Variants in AGBL1 observed in about 807,000 individuals in gnomAD.
The protein encoded by AGBL1 is cytosolic carboxypeptidase 4.
Under a neutral mutation model 118.9 loss-of-function variants are expected in AGBL1, and 130 were observed. That is an observed-to-expected ratio of 1.09 (90% CI 0.95 to 1.26). The LOEUF (loss-of-function observed/expected upper bound fraction) is 1.26. Among genes scored for constraint, AGBL1 ranks in the 50% most tolerant of loss-of-function variants. The pLI, the probability that AGBL1 is intolerant of heterozygous loss-of-function variation, is 0.00. For synonymous variants in AGBL1, 555 were observed against 478.9 expected (o/e 1.16, Z -2.08); for missense variants, 1,584 against 1,298.1 (o/e 1.22, Z -3.38).
intron 17 of AGBL1, among the ~76,000 whole-genome samples, chr15:86,297,484 G>A (rs959169139): frequency 5.3e-5 from 8 of 152,128 alleles, no homozygotes. Context: ...TTTTAAACAA[G>A]GGGCCTTGCC....
intron 22 of AGBL1, among the ~76,000 whole-genome samples, chr15:86,758,146 ACC>A (rs1341771514): frequency 6.6e-6 from 1 of 152,094 alleles, no homozygotes; most frequent in Non-Finnish European, 1.5e-5. Flanking sequence ...TTCAAAGCCC[ACC>A]ATGTCCACTC....
intron 16 of AGBL1, among the ~76,000 whole-genome samples, chr15:86,286,691 A>G (rs1365419850): frequency 3.2e-5 from 4 of 126,564 alleles, no homozygotes; most frequent in Non-Finnish European, 6.8e-5. Flanking sequence ...GTATGTATAT[A>G]TATATGTGTG....
intron 2 of AGBL1, among the ~76,000 whole-genome samples, chr15:86,143,120 G>A (rs540484124): frequency 6.6e-6 from 1 of 152,296 alleles, no homozygotes; most frequent in East Asian, 1.9e-4. Context: ...AAGACCAATA[G>A]TTCGTCATAG....
chr15:86,761,382 T>C (rs953736898), intron 22 of AGBL1, among the ~76,000 whole-genome samples: 5 of 152,074 alleles, frequency 3.3e-5, no homozygotes, highest in Non-Finnish European at 7.4e-5. Flanking sequence ...TCTGAATTCA[T>C]GCAGCTGAGA....
At chr15:86,522,973 C>A (rs777248372) in intron 19 of AGBL1, 34 bp downstream of exon 19, 2 of 1,601,624 alleles carry the variant, frequency 1.2e-6, no homozygotes, top group Non-Finnish European at 1.7e-6. Context: ...ACCTTCCTGG[C>A]TGCTTCCTTC....
chr15:86,709,210 G>T (rs73443592), intron 22 of AGBL1, among the ~76,000 whole-genome samples: 2,164 of 152,178 alleles, frequency 0.014, 58 homozygotes, highest in African/African-American at 0.05. Flanking sequence ...CCAGGCACTT[G>T]TATAAAACTT....
At chr15:86,599,393 T>C (rs1338954841) in intron 21 of AGBL1, among the ~76,000 whole-genome samples, 1 of 152,090 alleles carries the variant, frequency 6.6e-6, no homozygotes, top group Non-Finnish European at 1.5e-5. Flanking sequence ...ATGTTAACCA[T>C]GCAGGGTCAA....
chr15:86,230,823 C>T (rs985749964), intron 6 of AGBL1, among the ~76,000 whole-genome samples: 2 of 152,190 alleles, frequency 1.3e-5, no homozygotes, highest in African/African-American at 4.8e-5. Flanking sequence ...GTAATTGACA[C>T]ATGCAGTTTT....
At chr15:86,758,781 G>C (rs2141267162) in intron 22 of AGBL1, among the ~76,000 whole-genome samples, 1 of 151,716 alleles carries the variant, frequency 6.6e-6, no homozygotes, top group Admixed American at 6.6e-5. Flanking sequence ...AGACTAGCCT[G>C]GGCAACATGA....
At chr15:86,933,588 A>C (rs974791564) in intron 23 of AGBL1, among the ~76,000 whole-genome samples, 1 of 152,190 alleles carries the variant, frequency 6.6e-6, no homozygotes, top group Non-Finnish European at 1.5e-5. Flanking sequence ...TCTTGACTGC[A>C]ATACCACAGT....
chr15:86,566,765 A>G (rs1463123476), intron 21 of AGBL1, among the ~76,000 whole-genome samples: 1 of 152,214 alleles, frequency 6.6e-6, no homozygotes, highest in Non-Finnish European at 1.5e-5. Flanking sequence ...ATATGTATAT[A>G]TCACACATAT....
At chr15:86,975,370 A>G (rs1043282912) in intron 23 of AGBL1, among the ~76,000 whole-genome samples, 1 of 151,968 alleles carries the variant, frequency 6.6e-6, no homozygotes, top group African/African-American at 2.4e-5. Context: ...AGATCTCATG[A>G]GACTTATTCA....
At chr15:86,881,583 A>G (rs1044664286) in intron 22 of AGBL1, among the ~76,000 whole-genome samples, 4 of 152,144 alleles carry the variant, frequency 2.6e-5, no homozygotes, top group African/African-American at 9.7e-5. Flanking sequence ...ACTGGTATAA[A>G]GAAATACCTT....
At chr15:86,612,465 A>G (rs1270751449) in intron 21 of AGBL1, among the ~76,000 whole-genome samples, 1 of 151,998 alleles carries the variant, frequency 6.6e-6, no homozygotes, top group African/African-American at 2.4e-5. Flanking sequence ...GGGGTCTGAC[A>G]TGCCTCATCA....
intron 22 of AGBL1, among the ~76,000 whole-genome samples, chr15:86,770,617 G>A (rs763493316): frequency 4.6e-5 from 7 of 151,962 alleles, no homozygotes; most frequent in Admixed American, 4.6e-4. Context: ...GTTGGTCAGA[G>A]GAGACGTACC....
chr15:86,445,187 C>T (rs1240520188), intron 18 of AGBL1, among the ~76,000 whole-genome samples: 2 of 152,196 alleles, frequency 1.3e-5, no homozygotes, highest in Non-Finnish European at 2.9e-5. Context: ...TGAAGCCCAT[C>T]ACCCTGGGGG....
At chr15:86,186,037 A>C (rs1004867692) in intron 5 of AGBL1, among the ~76,000 whole-genome samples, 1 of 152,126 alleles carries the variant, frequency 6.6e-6, no homozygotes, top group Non-Finnish European at 1.5e-5. Context: ...TCATCACTAG[A>C]TCTGGTTTAT....
intron 17 of AGBL1, among the ~76,000 whole-genome samples, chr15:86,298,336 CTATATATATATGAATATATTCT>C (rs1260424375): frequency 0.07 from 7,765 of 111,132 alleles, 334 homozygotes; most frequent in African/African-American, 0.13. Flanking sequence ...TATATGGTAA[CTATATATATATGAATATATTCT>C]TATATATATA....
chr15:86,938,222 G>A (rs1357976796), intron 23 of AGBL1, among the ~76,000 whole-genome samples: 2 of 152,122 alleles, frequency 1.3e-5, no homozygotes, highest in African/African-American at 4.8e-5. Flanking sequence ...GAAGAGATGA[G>A]CTATGAAAAT....
Sources: allele counts gnomAD v4.1 joint callset (sites outside exome capture counted in the v4.1 genomes callset), GRCh38; gene constraint gnomAD v4.1.1; transcripts MANE v1.5; gene names NCBI Gene and HGNC (gene_info 2026-07-23, HGNC 2026-07-21).